CIAPIN1: variants seen among roughly 807,000 people sequenced by gnomAD.
The protein encoded by CIAPIN1 is anamorsin.
In CIAPIN1, 18 loss-of-function variants were observed where a neutral mutation model predicts 34.3. The observed-to-expected ratio is 0.52, with a 90% CI of 0.36 to 0.78. CIAPIN1 has a LOEUF of 0.78. CIAPIN1 is among the 30% of genes least tolerant of loss of function. The probability of loss-of-function intolerance (pLI) is 0.00; values close to 1 mark genes in which losing one functional copy is unlikely to be tolerated. For missense variants in CIAPIN1, 310 were observed against 372.5 expected (o/e 0.83, Z 1.38); for synonymous variants, 131 against 140.4 (o/e 0.93, Z 0.47).
chr16:57,434,150 T>A lies in CIAPIN1; in HGVS notation c.450A>T (p.Glu150Asp), dbSNP rs367825068. Residue 150 changes from glutamate (E) to aspartate (D), a missense_variant, in exon 5 of 9, where the codon GAA becomes GAT. Coordinates refer to ENST00000394391, the MANE Select transcript of CIAPIN1 (RefSeq NM_020313.4). ...VQSVREHLGH[E>D]SDNLLFVQIT... Reference sequence around the variant, plus strand: ...TCTGAACAAACAGCAGGTTGTCACTTTCATGACCAAGGTGTTCTCGAACAG... The same window carrying A: ...TCTGAACAAACAGCAGGTTGTCACTATCATGACCAAGGTGTTCTCGAACAG... 3.7e-6 allele frequency: 6 copies of A among 1,614,036 alleles called. No homozygotes were observed. Among genetic ancestry groups the A allele is most frequent in the Non-Finnish European group, 5.1e-6 (6 of 1,180,020 alleles).
chr16:57,441,895 T>C (rs1428469792), intron 1 of CIAPIN1, among the ~76,000 whole-genome samples: 2 of 152,330 alleles, frequency 1.3e-5, no homozygotes, highest in Middle Eastern at 3.4e-3. Flanking sequence ...ATAGCTCAAA[T>C]AAATGAAACA....
At chr16:57,436,512 G>A in intron 4 of CIAPIN1, 144 bp downstream of exon 4, 1 of 497,546 alleles carries the variant, frequency 2.0e-6, no homozygotes. Context: ...ACAGACGTGA[G>A]CCACCACACC....
At chr16:57,432,640 G>T (rs1423845265) in intron 5 of CIAPIN1, 80 bp from the exon 6 acceptor site, 1 of 1,304,388 alleles carries the variant, frequency 7.7e-7, no homozygotes, top group Non-Finnish European at 1.1e-6. Flanking sequence ...AATGCTTCCT[G>T]CTGTGTAGAA....
At position 57,433,713 on chromosome 16, in the gene CIAPIN1, C is replaced by T. The variant is rs1598023353; in HGVS notation, c.556+331G>A. On this transcript the variant is annotated intron_variant, in intron 5 of 8. Transcript: ENST00000394391. ...ACTCTCATACACCATTACCACTACA[C>T]TGTGAGGTCTTCTGAGGAGAAACGT... The T allele has an allele frequency of 8.8e-6, 3 of 339,738 alleles. No homozygotes were observed. The East Asian group carries it at 2.3e-4, about 26-fold the overall frequency. 21.0% of individuals were successfully genotyped at this position (339,738 alleles called of 1,614,324 possible). A position where few individuals can be genotyped will look rare whatever the true frequency, so the allele number is the denominator to read the frequency against.
intron 4 of CIAPIN1, among the ~76,000 whole-genome samples, chr16:57,434,855 T>C (rs551979458): frequency 1.3e-5 from 2 of 152,370 alleles, no homozygotes; most frequent in Admixed American, 6.5e-5. Context: ...TAAAAAAGTA[T>C]GTGCATGTAG....
At chr16:57,443,577 C>T (rs2029932905) in intron 1 of CIAPIN1, among the ~76,000 whole-genome samples, 1 of 152,188 alleles carries the variant, frequency 6.6e-6, no homozygotes, top group African/African-American at 2.4e-5. Flanking sequence ...CATGCCTCAG[C>T]CTCCCAAGTA....
intron 4 of CIAPIN1, among the ~76,000 whole-genome samples, chr16:57,435,924 G>T (rs545436597): frequency 5.9e-5 from 9 of 152,366 alleles, no homozygotes; most frequent in African/African-American, 2.2e-4. Context: ...ATCAAAGAGT[G>T]TAGAAATATA....
chr16:57,441,819 A>C (rs1903338129), intron 1 of CIAPIN1, among the ~76,000 whole-genome samples: 1 of 152,246 alleles, frequency 6.6e-6, no homozygotes, highest in Non-Finnish European at 1.5e-5. Flanking sequence ...TTAGGTCAAG[A>C]GATAGTACTC....
chr16:57,431,261 G>A lies in CIAPIN1; in HGVS notation c.636C>T (p.Leu212=), dbSNP rs1219337910. 6.2e-7 allele frequency: 1 copy of A among 1,605,872 alleles called. No individual in the cohort carries two copies. Among genetic ancestry groups the A allele is most frequent in the Non-Finnish European group, 8.5e-7 (1 of 1,172,902 alleles). Residue 212 remains leucine, a synonymous_variant, in exon 7 of 9, where the codon CTC becomes CTT. Transcript: ENST00000394391. ...GATCCAGCAGCTCATCTGAGTCAAT[G>A]AGATCCTGGAGAGTGTTCAAAGCAA... The part of the protein sequence containing the change: ...ANDMEDDSMD[L]IDSDELLDPE...
intron 1 of CIAPIN1, among the ~76,000 whole-genome samples, chr16:57,444,382 C>G (rs1174265002): frequency 6.6e-6 from 1 of 152,212 alleles, no homozygotes; most frequent in Non-Finnish European, 1.5e-5. Context: ...TGTTCTAGAA[C>G]TCTGGGCTTC....
intron 8 of CIAPIN1, 144 bp from the exon 9 acceptor site, chr16:57,429,424 AAG>A (rs1350653959): frequency 3.6e-5 from 22 of 604,574 alleles, no homozygotes; most frequent in Non-Finnish European, 6.2e-5. Context: ...CCAAAATACT[AAG>A]AGTTTTCAAG....
intron 5 of CIAPIN1, chr16:57,433,562 C>T (rs1015473870): frequency 3.5e-5 from 7 of 200,334 alleles, no homozygotes; most frequent in Admixed American, 1.6e-4. Flanking sequence ...TGCGTGCACG[C>T]GTGTGCTTGT....
In CIAPIN1 at chr16:57,432,557, T is replaced by G; in HGVS notation, c.560A>C (p.Lys187Thr). 6.2e-7 allele frequency: 1 copy of G among 1,612,340 alleles called. No homozygotes were observed. Among genetic ancestry groups the G allele is most frequent in the Non-Finnish European group, 8.5e-7 (1 of 1,179,690 alleles). Residue 187 changes from lysine (K) to threonine (T), a missense_variant, in exon 6 of 9, where the codon AAA (lysine) becomes ACA (threonine). By Grantham distance (78) the Lys-to-Thr change is moderately conservative (BLOSUM62 -1). Coordinates refer to ENST00000394391, the MANE Select transcript of CIAPIN1 (RefSeq NM_020313.4). ...GGCAGCAGCAGGGTCCACAGCAGGTTTCACTGAGTCCAAGCAATAAAAGAA... is the reference window on the plus strand; with the variant it reads ...GGCAGCAGCAGGGTCCACAGCAGGTGTCACTGAGTCCAAGCAATAAAAGAA... ...SITKKSSPSVKPAVDPAAAKL... is the reference protein window; with the variant it reads ...SITKKSSPSVTPAVDPAAAKL...
intron 2 of CIAPIN1, among the ~76,000 whole-genome samples, chr16:57,439,819 T>G (rs1429825548): frequency 6.6e-6 from 1 of 152,196 alleles, no homozygotes; most frequent in Non-Finnish European, 1.5e-5. Flanking sequence ...AAGCTGAGGA[T>G]GTATGTTGCC....
At position 57,428,834 on chromosome 16, in the gene CIAPIN1, G is replaced by A. The variant is rs538569544; in HGVS notation, c.*336C>T. 1.4e-5 allele frequency: 3 copies of A among 220,734 alleles called. No homozygotes were observed. The highest frequency in any genetic ancestry group is 1.6e-4 in the South Asian group (2 of 12,570). The allele number at this position is 220,734 out of a possible 1,614,324, so 13.7% of individuals were successfully genotyped here. A position where few individuals can be genotyped will look rare whatever the true frequency, so the allele number is the denominator to read the frequency against. ...GGGGTCTGCAGCTCTGTCACAGAGTGTTAATGCTCAACGATGCCTGGGCTC... is the reference window on the plus strand; with the variant it reads ...GGGGTCTGCAGCTCTGTCACAGAGTATTAATGCTCAACGATGCCTGGGCTC... On this transcript the variant is annotated 3_prime_UTR_variant, in exon 9 of 9. Transcript: ENST00000394391.
chr16:57,446,755 A>G (rs1432876930), intron 1 of CIAPIN1, among the ~76,000 whole-genome samples: 4 of 152,188 alleles, frequency 2.6e-5, no homozygotes, highest in Admixed American at 2.0e-4. Flanking sequence ...GACCCACTCA[A>G]TCAATCCTTC....
chr16:57,444,569 C>T (rs2029980250), intron 1 of CIAPIN1, among the ~76,000 whole-genome samples: 1 of 152,210 alleles, frequency 6.6e-6, no homozygotes, highest in African/African-American at 2.4e-5. Flanking sequence ...TCCAGTGGGA[C>T]TGTGTCAGTA....
chr16:57,432,444 G>A, intron 6 of CIAPIN1, 43 bp downstream of exon 6: 2 of 1,584,460 alleles, frequency 1.3e-6, no homozygotes, highest in Non-Finnish European at 1.7e-6. Context: ...ACCCAAACTG[G>A]GGCCTGAAAG....
chr16:57,439,263 C>A lies in CIAPIN1; in HGVS notation c.229G>T (p.Ala77Ser). ...CGGGCGATTTCAGCCAAAATCTCAG[C>A]ACTGTGCAGAGTGGTGCTTCCTGGG... ...LVPGSTTLHS[A>S]EILAEIARIL... The change falls in exon 3 of 9, where the codon GCT becomes TCT. Residue 77 changes from alanine to serine, a missense_variant. Ala to Ser is a moderately conservative substitution (Grantham distance 99). Transcript: ENST00000394391. 1.9e-6 allele frequency: 3 copies of A among 1,614,170 alleles called. No homozygotes were observed. The highest frequency in any genetic ancestry group is 2.5e-6 in the Non-Finnish European group (3 of 1,180,036).
Sources: allele counts gnomAD v4.1 joint callset (sites outside exome capture counted in the v4.1 genomes callset), GRCh38; gene constraint gnomAD v4.1.1; transcripts MANE v1.5; gene names NCBI Gene and HGNC (gene_info 2026-07-23, HGNC 2026-07-21).